The following PHACTR3 variants were observed in gnomAD, a reference collection of about 807,000 sequenced individuals.
PHACTR3 encodes protein phosphatase 1, regulatory subunit 123.
PHACTR3 carries 16 observed loss-of-function variants against 66.8 expected under a neutral mutation model. The ratio of observed to expected loss-of-function variants is 0.24; its 90% CI spans 0.16 to 0.36. The LOEUF is 0.36. PHACTR3 is among the 10% of genes least tolerant of loss of function. The probability of loss-of-function intolerance (pLI) is 1.00; values close to 1 mark genes in which losing one functional copy is unlikely to be tolerated. For synonymous variants in PHACTR3, 323 were observed against 292.1 expected (o/e 1.11, Z -1.08); for missense variants, 647 against 719.9 (o/e 0.90, Z 1.16).
intron 1 of PHACTR3, among the ~76,000 whole-genome samples, chr20:59,727,185 G>A (rs1277152675): frequency 6.6e-6 from 1 of 152,084 alleles, no homozygotes; most frequent in Non-Finnish European, 1.5e-5. Context: ...TACGCTGTAC[G>A]GACGCTATAT....
At chr20:59,805,357 T>C (rs1401409148) in intron 7 of PHACTR3, among the ~76,000 whole-genome samples, 1 of 152,206 alleles carries the variant, frequency 6.6e-6, no homozygotes, top group Non-Finnish European at 1.5e-5. Flanking sequence ...CTCCACACCC[T>C]GCTAGGACAT....
In PHACTR3 at chr20:59,829,016, G is replaced by A. The variant is rs1015019186; in HGVS notation, c.1329-7489G>A. 2.0e-5 allele frequency among the ~76,000 whole-genome samples: 3 copies of A among 152,046 alleles called. No individual in the cohort carries two copies. Among genetic ancestry groups the A allele is most frequent in the East Asian group, 1.9e-4 (1 of 5,154 alleles). ...CTTGGAGCTTCCTGGGGTGTTGGAC[G>A]TAGGGAGTAAGAGGAGCCAGTTCTC... is the stretch of plus-strand genomic sequence containing the variant. On this transcript the variant is annotated intron_variant, in intron 8 of 12. Coordinates refer to ENST00000371015, the MANE Select transcript of PHACTR3 (RefSeq NM_080672.5). The surrounding 1 kb of genome is among the most constrained non-coding windows in gnomAD (Gnocchi z 4.2).
rs2041556816 is a variant in PHACTR3, at chr20:59,806,037, T to C, written c.1175-4T>C. The C allele has an allele frequency of 6.2e-7, 1 of 1,612,966 alleles. No individual in the cohort carries two copies. Among genetic ancestry groups the C allele is most frequent in the Admixed American group, 1.7e-5 (1 of 59,820 alleles). The stretch of plus-strand genomic sequence containing the variant: ...TCTCCTCTTGCCCTGGATGGGGCTT[T>C]TAGGAACACTGCCACGGAAATGCAA... On this transcript the variant is annotated splice_polypyrimidine_tract_variant and splice_region_variant and intron_variant, in intron 7 of 12. Coordinates refer to ENST00000371015, the MANE Select transcript of PHACTR3 (RefSeq NM_080672.5).
chr20:59,718,078 G>A (rs1414661079), intron 1 of PHACTR3, among the ~76,000 whole-genome samples: 1 of 152,162 alleles, frequency 6.6e-6, no homozygotes, highest in Non-Finnish European at 1.5e-5. Context: ...AGGTGGTCAA[G>A]GGCAAAAAGA....
intron 1 of PHACTR3, among the ~76,000 whole-genome samples, chr20:59,730,251 C>T (rs1241592515): frequency 6.6e-6 from 1 of 152,140 alleles, no homozygotes; most frequent in East Asian, 1.9e-4. Flanking sequence ...GGAAACCTAA[C>T]AGGTGGGTAG....
chr20:59,759,168 G>A (rs2069024792), intron 4 of PHACTR3, among the ~76,000 whole-genome samples: 1 of 152,156 alleles, frequency 6.6e-6, no homozygotes, highest in South Asian at 2.1e-4. Context: ...GTTTGCTATG[G>A]CTGGGACAAC....
intron 1 of PHACTR3, among the ~76,000 whole-genome samples, chr20:59,653,561 A>T (rs1168055723): frequency 1.3e-5 from 2 of 152,158 alleles, no homozygotes; most frequent in Non-Finnish European, 2.9e-5. Context: ...GAATTTAAGG[A>T]TGCTAGCATA....
intron 1 of PHACTR3, among the ~76,000 whole-genome samples, chr20:59,655,683 G>C (rs1271414338): frequency 2.0e-5 from 3 of 151,670 alleles, no homozygotes; most frequent in Non-Finnish European, 4.4e-5. Context: ...CCTTCCTTCT[G>C]AATGTTCCAG....
intron 1 of PHACTR3, among the ~76,000 whole-genome samples, chr20:59,620,944 G>A (rs904619731): frequency 7.2e-5 from 11 of 152,196 alleles, no homozygotes; most frequent in Admixed American, 2.0e-4. Flanking sequence ...ACTTACACTA[G>A]TGTGGACGCC....
At chr20:59,598,775 A>G (rs981337284) in intron 1 of PHACTR3, among the ~76,000 whole-genome samples, 2 of 152,176 alleles carry the variant, frequency 1.3e-5, no homozygotes, top group Non-Finnish European at 2.9e-5. Context: ...AGCCAGGTCC[A>G]AGGACCATTC....
At chr20:59,724,838 C>T (rs900496019) in intron 1 of PHACTR3, among the ~76,000 whole-genome samples, 4 of 152,224 alleles carry the variant, frequency 2.6e-5, no homozygotes, top group African/African-American at 9.6e-5. Context: ...GTCTGTGAAC[C>T]CTGGTGGCTG....
intron 9 of PHACTR3, 54 bp downstream of exon 9, chr20:59,836,614 TG>T (rs1335389407): frequency 3.8e-6 from 6 of 1,567,556 alleles, no homozygotes; most frequent in Non-Finnish European, 5.2e-6. Flanking sequence ...GTGAGGCTGT[TG>T]CACAAATCCT....
intron 1 of PHACTR3, among the ~76,000 whole-genome samples, chr20:59,582,560 G>A (rs1025479162): frequency 3.3e-5 from 5 of 152,150 alleles, no homozygotes; most frequent in East Asian, 1.9e-4. Context: ...CAGCAGTGTC[G>A]GAGGTACCCG....
intron 4 of PHACTR3, among the ~76,000 whole-genome samples, chr20:59,766,588 G>C (rs2040189703): frequency 6.6e-6 from 1 of 151,964 alleles, no homozygotes; most frequent in African/African-American, 2.4e-5. Flanking sequence ...GAGGGATGAG[G>C]GTTCTGGGTG....
intron 7 of PHACTR3, among the ~76,000 whole-genome samples, chr20:59,778,796 G>C (rs574035791): frequency 6.6e-6 from 1 of 152,210 alleles, no homozygotes; most frequent in African/African-American, 2.4e-5. Flanking sequence ...TCCCTGGACT[G>C]TTTCTCCCAT....
chr20:59,744,336 A>C (rs1034155591), intron 2 of PHACTR3, among the ~76,000 whole-genome samples: 1 of 152,178 alleles, frequency 6.6e-6, no homozygotes, highest in African/African-American at 2.4e-5. Context: ...TGTTCTGAGA[A>C]GAGAGCCCGG....
chr20:59,847,292 C>G lies in PHACTR3; in HGVS notation c.*162C>G. ...GTGCAATCTTGACCACACTTACCTG[C>G]AAGAGGAGTAACCAGAGGACACACT... On this transcript the variant is annotated 3_prime_UTR_variant, in exon 13 of 13. Transcript: ENST00000371015. 2.0e-6 allele frequency: 1 copy of G among 502,066 alleles called. No homozygotes were observed. Among genetic ancestry groups the G allele is most frequent in the South Asian group, 3.6e-5 (1 of 28,140 alleles). The allele number at this position is 502,066 out of a possible 1,614,324, so 31.1% of individuals were successfully genotyped here.
intron 7 of PHACTR3, among the ~76,000 whole-genome samples, chr20:59,780,265 A>G (rs1451402818): frequency 6.6e-6 from 1 of 152,204 alleles, no homozygotes; most frequent in African/African-American, 2.4e-5. Flanking sequence ...ACCTGGGCCC[A>G]TGTAAGGACA....
intron 1 of PHACTR3, among the ~76,000 whole-genome samples, chr20:59,678,430 T>C (rs1213291353): frequency 2.0e-5 from 3 of 152,164 alleles, no homozygotes; most frequent in Admixed American, 2.0e-4. Flanking sequence ...TGAAGGCACA[T>C]GACATATGGA....
Sources: allele counts gnomAD v4.1 joint callset (sites outside exome capture counted in the v4.1 genomes callset), GRCh38; gene constraint gnomAD v4.1.1; non-coding constraint Gnocchi (gnomAD v3.1); transcripts MANE v1.5; gene names NCBI Gene and HGNC (gene_info 2026-07-23, HGNC 2026-07-21).